ACAP2: variants seen among roughly 807,000 people sequenced by gnomAD.
ACAP2 encodes arf-GAP with coiled-coil, ANK repeat and PH domain-containing protein 2.
A neutral mutation model predicts 115.8 loss-of-function variants in ACAP2; 39 were observed. The ratio of observed to expected loss-of-function variants is 0.34; its 90% confidence interval spans 0.26 to 0.44. The LOEUF (loss-of-function observed/expected upper bound fraction) is 0.44. ACAP2 is among the 20% of genes least tolerant of loss of function. ACAP2 has a pLI of 1.00. For missense variants in ACAP2, 662 were observed against 927.6 expected (o/e 0.71, Z 3.72); for synonymous variants, 289 against 315.8 (o/e 0.92, Z 0.90).
At chr3:195,321,734 T>A (rs890222432) in intron 9 of ACAP2, among the ~76,000 whole-genome samples, 15 of 151,600 alleles carry the variant, frequency 9.9e-5, no homozygotes, top group African/African-American at 3.6e-4. Flanking sequence ...TGCCTCAGCC[T>A]CCTGAGTAGC....
At chr3:195,373,929 A>G (rs1464985017) in intron 4 of ACAP2, among the ~76,000 whole-genome samples, 1 of 152,160 alleles carries the variant, frequency 6.6e-6, no homozygotes, top group African/African-American at 2.4e-5. Context: ...TCAAAAAAAC[A>G]TATACTGACA....
chr3:195,440,444 T>G (rs1346587798), intron 1 of ACAP2, among the ~76,000 whole-genome samples: 1 of 152,244 alleles, frequency 6.6e-6, no homozygotes, highest in Non-Finnish European at 1.5e-5. Context: ...TTTGCATTAA[T>G]TCTACAGCAC....
At chr3:195,371,904 C>T (rs1434141334) in intron 4 of ACAP2, among the ~76,000 whole-genome samples, 1 of 152,182 alleles carries the variant, frequency 6.6e-6, no homozygotes, top group East Asian at 1.9e-4. Flanking sequence ...AGTGATTCAC[C>T]TGCCTCGGCC....
chr3:195,303,372 G>A (rs368297608), intron 13 of ACAP2, among the ~76,000 whole-genome samples: 12 of 149,910 alleles, frequency 8.0e-5, no homozygotes, highest in East Asian at 3.9e-4. Flanking sequence ...TCATGCCACC[G>A]CACTCCAGCC....
intron 4 of ACAP2, 99 bp downstream of exon 4, chr3:195,380,910 C>T: frequency 9.6e-7 from 1 of 1,046,146 alleles, no homozygotes; most frequent in East Asian, 2.6e-5. Flanking sequence ...CAATCAAAGC[C>T]ATGTAATTCC....
chr3:195,318,077 T>C (rs1471888160), intron 10 of ACAP2, among the ~76,000 whole-genome samples: 4 of 152,128 alleles, frequency 2.6e-5, no homozygotes, highest in Non-Finnish European at 4.4e-5. Context: ...AAAGTGGCAG[T>C]TTCCCCTGAG....
chr3:195,328,564 C>T (rs1729956359), intron 8 of ACAP2, among the ~76,000 whole-genome samples: 1 of 152,162 alleles, frequency 6.6e-6, no homozygotes, highest in African/African-American at 2.4e-5. Flanking sequence ...ACATGGTGCG[C>T]TAGAAAAATA....
At chr3:195,289,036 G>A (rs934752739) in intron 21 of ACAP2, 85 bp downstream of exon 21, 1 of 1,043,884 alleles carries the variant, frequency 9.6e-7, no homozygotes, top group Non-Finnish European at 1.4e-6. Flanking sequence ...TATCCACAGG[G>A]TCCTGGAACT....
At chr3:195,403,064 G>A (rs369526957) in intron 1 of ACAP2, among the ~76,000 whole-genome samples, 1 of 152,054 alleles carries the variant, frequency 6.6e-6, no homozygotes, top group Non-Finnish European at 1.5e-5. Context: ...AGAGAGGGAC[G>A]GCTACAGTTT....
At chr3:195,407,127 C>G (rs1712839538) in intron 1 of ACAP2, among the ~76,000 whole-genome samples, 2 of 150,464 alleles carry the variant, frequency 1.3e-5, no homozygotes, top group Admixed American at 6.6e-5. Flanking sequence ...TAAAAAAATG[C>G]AGTTAAATAA....
intron 4 of ACAP2, among the ~76,000 whole-genome samples, chr3:195,374,850 T>A (rs1733413898): frequency 7.0e-6 from 1 of 142,244 alleles, no homozygotes; most frequent in Admixed American, 7.1e-5. Context: ...ATAGAAGACC[T>A]TTTTTTTTTT....
chr3:195,425,026 C>CAAAAAA (rs10690317), intron 1 of ACAP2, among the ~76,000 whole-genome samples: 1,804 of 26,638 alleles, frequency 0.068, 383 homozygotes, highest in East Asian at 0.19. Context: ...GACTCCGTCT[C>CAAAAAA]AAAAAAAAAA....
intron 4 of ACAP2, among the ~76,000 whole-genome samples, chr3:195,369,079 T>C (rs1446204311): frequency 7.0e-6 from 1 of 143,102 alleles, no homozygotes; most frequent in African/African-American, 2.6e-5. Context: ...AGCAGAACTA[T>C]GTCTCAAAAA....
chr3:195,380,984 G>A lies in ACAP2; in HGVS notation c.285+25C>T, dbSNP rs771681088. 2.6e-6 allele frequency: 4 copies of A among 1,565,908 alleles called. No individual in the cohort carries two copies. The South Asian group carries it at 4.7e-5, about 18-fold the overall frequency. On this transcript the variant is annotated intron_variant, in intron 4 of 22. Coordinates refer to ENST00000326793, the MANE Select transcript of ACAP2 (RefSeq NM_012287.6). ...ATACTAAAATGTTAATATGGTCATAGTAACACCTACTTACTGACACTTACT... is the reference window on the plus strand; with the variant it reads ...ATACTAAAATGTTAATATGGTCATAATAACACCTACTTACTGACACTTACT...
At chr3:195,413,153 T>G (rs1434670727) in intron 1 of ACAP2, among the ~76,000 whole-genome samples, 1 of 152,220 alleles carries the variant, frequency 6.6e-6, no homozygotes, top group Non-Finnish European at 1.5e-5. Flanking sequence ...TAAGTAGTTT[T>G]GGTTGAAAGT....
At chr3:195,441,637 C>T (rs1351135744) in intron 1 of ACAP2, among the ~76,000 whole-genome samples, 2 of 152,198 alleles carry the variant, frequency 1.3e-5, no homozygotes, top group Non-Finnish European at 2.9e-5. Context: ...AATTTACAAT[C>T]CAGGCTTGGC....
At chr3:195,354,166 A>G (rs1731796126) in intron 4 of ACAP2, among the ~76,000 whole-genome samples, 1 of 152,220 alleles carries the variant, frequency 6.6e-6, no homozygotes, top group African/African-American at 2.4e-5. Flanking sequence ...TGCAAAGGAC[A>G]TGATCTCATT....
At chr3:195,379,691 C>A (rs1375278481) in intron 4 of ACAP2, among the ~76,000 whole-genome samples, 1 of 152,140 alleles carries the variant, frequency 6.6e-6, no homozygotes, top group African/African-American at 2.4e-5. Context: ...GTAGTCCTAG[C>A]CAATTGGGAG....
In ACAP2 at chr3:195,314,263, ATTTTTTTT is replaced by A. The variant is rs111680834; in HGVS notation, c.858-5434_858-5427del. 8.6e-3 allele frequency among the ~76,000 whole-genome samples: 1,225 copies of A among 142,106 alleles called. 16 individuals carry two copies. Among genetic ancestry groups the A allele is most frequent in the African/African-American group, 0.03 (1,165 of 38,642 alleles). 93.2% of individuals were successfully genotyped at this position (142,106 alleles called of 152,430 possible). ...GTATCTTATTTATGGGAGAAAGAAG[ATTTTTTTT>A]TTTTCTTTTTTTGAGACGAAGTCTC... On this transcript the variant is annotated intron_variant, in intron 10 of 22. Coordinates refer to ENST00000326793, the MANE Select transcript of ACAP2 (RefSeq NM_012287.6).
Sources: gnomAD v4.1 joint callset for allele counts (sites outside exome capture counted in the v4.1 genomes callset) on GRCh38, gnomAD v4.1.1 for gene constraint, MANE v1.5 for transcripts, NCBI Gene and HGNC (gene_info 2026-07-23, HGNC 2026-07-21) for gene names.